The following HSD17B3 variants were observed in gnomAD, a reference collection of about 807,000 sequenced individuals.
The protein encoded by HSD17B3 is 17-beta-hydroxysteroid dehydrogenase type 3.
A neutral mutation model predicts 41.1 loss-of-function variants in HSD17B3; 29 were observed. The observed-to-expected ratio is 0.71, with a 90% CI of 0.53 to 0.96. The LOEUF is 0.96. Ranked by LOEUF, HSD17B3 falls within the 40% of genes least tolerant of loss-of-function variation. The pLI is 0.00. For missense variants in HSD17B3, 323 were observed against 374.6 expected (o/e 0.86, Z 1.14); for synonymous variants, 126 against 145.6 (o/e 0.87, Z 0.97).
chr9:96,255,188 C>T (rs751454089), intron 2 of HSD17B3, among the ~76,000 whole-genome samples: 2 of 151,918 alleles, frequency 1.3e-5, no homozygotes, highest in South Asian at 4.2e-4. Flanking sequence ...TTATTGTGTG[C>T]GGGGAACTTT....
At chr9:96,245,228 T>A in intron 8 of HSD17B3, 117 bp downstream of exon 8, 1 of 836,206 alleles carries the variant, frequency 1.2e-6, no homozygotes. Context: ...GCCCTGCACA[T>A]AAGAGAGCAT....
At chr9:96,259,142 G>A (rs903189070) in intron 2 of HSD17B3, among the ~76,000 whole-genome samples, 1 of 152,156 alleles carries the variant, frequency 6.6e-6, no homozygotes, top group Non-Finnish European at 1.5e-5. Flanking sequence ...TTTGCAGAAT[G>A]AGTCGCATGG....
intron 2 of HSD17B3, among the ~76,000 whole-genome samples, chr9:96,262,130 C>G (rs1167000764): frequency 1.3e-5 from 2 of 151,384 alleles, no homozygotes; most frequent in Middle Eastern, 3.5e-3. Context: ...CCCAGTGAGT[C>G]CCATGAGACT....
chr9:96,272,571 C>T (rs976342390), intron 2 of HSD17B3, among the ~76,000 whole-genome samples: 2 of 149,640 alleles, frequency 1.3e-5, no homozygotes, highest in African/African-American at 2.5e-5. Context: ...CTAATGACAA[C>T]ACCAGATTCT....
chr9:96,260,713 C>T (rs1219652969), intron 2 of HSD17B3, among the ~76,000 whole-genome samples: 4 of 151,978 alleles, frequency 2.6e-5, no homozygotes, highest in Admixed American at 2.0e-4. Context: ...TGTAGTGAGC[C>T]GAGATCGCAC....
intron 3 of HSD17B3, among the ~76,000 whole-genome samples, chr9:96,254,286 C>T (rs1825541635): frequency 6.6e-6 from 1 of 152,168 alleles, no homozygotes; most frequent in South Asian, 2.1e-4. Flanking sequence ...TGTCCCTCAT[C>T]CTCCTGCCAA....
chr9:96,250,124 A>G (rs1227397733), intron 5 of HSD17B3: 15 of 1,294,958 alleles, frequency 1.2e-5, no homozygotes, highest in African/African-American at 1.0e-4. Flanking sequence ...GGGTTAGCCT[A>G]TGTGAGTCCA....
At chr9:96,245,128 G>C (rs1420923266) in intron 8 of HSD17B3, among the ~76,000 whole-genome samples, 1 of 152,222 alleles carries the variant, frequency 6.6e-6, no homozygotes, top group Non-Finnish European at 1.5e-5. Context: ...CATCCCCGGA[G>C]GCTGGCCAAG....
chr9:96,253,880 A>C (rs1452149582), intron 3 of HSD17B3, among the ~76,000 whole-genome samples: 1 of 152,142 alleles, frequency 6.6e-6, no homozygotes, highest in East Asian at 1.9e-4. Context: ...GACACAGAAC[A>C]AAAGCAGAAT....
intron 2 of HSD17B3, among the ~76,000 whole-genome samples, chr9:96,291,696 C>G (rs1484231296): frequency 6.6e-6 from 1 of 152,154 alleles, no homozygotes; most frequent in East Asian, 1.9e-4. Flanking sequence ...GTGGCTCATG[C>G]CTGTAATCCC....
At chr9:96,251,197 A>G (rs2130727071) in intron 5 of HSD17B3, 1 of 592,536 alleles carries the variant, frequency 1.7e-6, no homozygotes, top group East Asian at 2.8e-5. Context: ...TGTGCAGAGA[A>G]GGAGGAAGAT....
chr9:96,243,825 G>A (rs892059590), intron 9 of HSD17B3, among the ~76,000 whole-genome samples: 2 of 152,140 alleles, frequency 1.3e-5, no homozygotes, highest in Non-Finnish European at 1.5e-5. Flanking sequence ...ACCTGCTCGA[G>A]AACCAGAGTG....
At chr9:96,245,632 G>A (rs1446372014) in intron 7 of HSD17B3, among the ~76,000 whole-genome samples, 2 of 152,110 alleles carry the variant, frequency 1.3e-5, no homozygotes, top group African/African-American at 2.4e-5. Flanking sequence ...CTGGATTTCC[G>A]CCGCACAGTG....
chr9:96,246,410 TCCCATAA>T, intron 7 of HSD17B3, 139 bp downstream of exon 7: 1 of 765,132 alleles, frequency 1.3e-6, no homozygotes, highest in Non-Finnish European at 2.3e-6. Context: ...ATGTTTTTTT[TCCCATAA>T]TCACCGTGTG....
At chr9:96,294,163 G>A (rs748919413) in intron 2 of HSD17B3, among the ~76,000 whole-genome samples, 9 of 151,842 alleles carry the variant, frequency 5.9e-5, no homozygotes, top group Admixed American at 5.3e-4. Flanking sequence ...GCCCATAATC[G>A]CAGCACTTTG....
At chr9:96,240,364 T>C (rs1836389561) in intron 10 of HSD17B3, among the ~76,000 whole-genome samples, 1 of 152,228 alleles carries the variant, frequency 6.6e-6, no homozygotes, top group Non-Finnish European at 1.5e-5. Context: ...AGTCAAATGC[T>C]ACACATCAAA....
chr9:96,255,326 C>A (rs2130734240), intron 2 of HSD17B3, among the ~76,000 whole-genome samples: 1 of 135,712 alleles, frequency 7.4e-6, no homozygotes, highest in Admixed American at 8.4e-5. Context: ...GGGGGTGGGG[C>A]AGCATCCCAT....
chr9:96,250,468 C>A, intron 5 of HSD17B3: 1 of 1,061,932 alleles, frequency 9.4e-7, no homozygotes, highest in Non-Finnish European at 1.1e-6. Flanking sequence ...TCGGGGCTTA[C>A]ACAGGACGAT....
intron 1 of HSD17B3, among the ~76,000 whole-genome samples, chr9:96,299,576 A>T (rs1390056275): frequency 6.6e-6 from 1 of 152,196 alleles, no homozygotes; most frequent in Non-Finnish European, 1.5e-5. Context: ...AGTGTTTTAG[A>T]TGCATCATCT....
Sources: allele counts gnomAD v4.1 joint callset (sites outside exome capture counted in the v4.1 genomes callset), GRCh38; gene constraint gnomAD v4.1.1; transcripts MANE v1.5; gene names NCBI Gene and HGNC (gene_info 2026-07-23, HGNC 2026-07-21).